The following ADCY8 variants were observed in gnomAD, a reference collection of about 807,000 sequenced individuals.
The protein encoded by ADCY8 is adenylate cyclase type 8.
Under a neutral mutation model 119.7 loss-of-function variants are expected in ADCY8, and 51 were observed. The ratio of observed to expected loss-of-function variants is 0.43; its 90% CI spans 0.34 to 0.54. The LOEUF is 0.54. Ranked by LOEUF, ADCY8 falls within the 20% of genes least tolerant of loss-of-function variation. The pLI is 0.03. For missense variants in ADCY8, 1,383 were observed against 1,598.8 expected (o/e 0.87, Z 2.30); for synonymous variants, 665 against 651.0 (o/e 1.02, Z -0.33).
intron 13 of ADCY8, among the ~76,000 whole-genome samples, chr8:130,819,629 C>G (rs1047322980): frequency 6.6e-6 from 1 of 152,118 alleles, no homozygotes; most frequent in Non-Finnish European, 1.5e-5. Flanking sequence ...ATATGTTTGT[C>G]TATAGGGTGA....
At chr8:130,875,934 C>A (rs912760007) in intron 8 of ADCY8, among the ~76,000 whole-genome samples, 2 of 152,138 alleles carry the variant, frequency 1.3e-5, no homozygotes, top group African/African-American at 4.8e-5. Context: ...ATACTCAGCA[C>A]AGAACTTGGT....
Position 130,990,414 on chromosome 8 carries a change from C to T in ADCY8, c.1089G>A (p.Leu363=). The part of the protein sequence containing the change: ...TRRCVEARLR[L]ETENQRQERL... ...GTACCTGTCTTTGGTTCTCTGTCTCCAGGCGCAGCCTGGCCTCCACACACC... is the reference window on the plus strand; with the variant it reads ...GTACCTGTCTTTGGTTCTCTGTCTCTAGGCGCAGCCTGGCCTCCACACACC... Residue 363 remains leucine, a synonymous_variant, in exon 2 of 18, where the codon CTG becomes CTA. Transcript: ENST00000286355. 4 of 1,614,152 alleles carry T rather than the reference C, an allele frequency of 2.5e-6. No homozygotes were observed. Among genetic ancestry groups the T allele is most frequent in the Non-Finnish European group, 3.4e-6 (4 of 1,179,998 alleles).
rs774395111 is a variant in ADCY8 at position 130,836,487 on chromosome 8, G to A, written c.2503-38C>T. 3.1e-6 allele frequency: 5 copies of A among 1,597,978 alleles called. No individual in the cohort carries two copies. In the East Asian group the frequency reaches 9.0e-5, roughly 29 times the overall value. ...AATGCAGGTGGTCAGATTCAATGGG[G>A]GCAGCAGTTCCCTCTCCTAGCCATG... On this transcript the variant is annotated intron_variant, in intron 11 of 17. Transcript: ENST00000286355.
At chr8:130,885,687 C>T (rs148077867) in intron 7 of ADCY8, among the ~76,000 whole-genome samples, 13 of 152,168 alleles carry the variant, frequency 8.5e-5, no homozygotes, top group African/African-American at 2.9e-4. Flanking sequence ...TGAGTTGGAC[C>T]TGAAGGGATA....
At chr8:130,925,039 CAA>C (rs71304400) in intron 5 of ADCY8, among the ~76,000 whole-genome samples, 4,739 of 137,300 alleles carry the variant, frequency 0.035, 104 homozygotes, top group South Asian at 0.089. Flanking sequence ...ACTAAAAATA[CAA>C]AAAAAAAAAA....
chr8:130,985,886 T>A (rs1174046556), intron 2 of ADCY8, among the ~76,000 whole-genome samples: 2 of 152,216 alleles, frequency 1.3e-5, no homozygotes, highest in East Asian at 3.8e-4. Flanking sequence ...AAAAATAATC[T>A]TCCTGCTGCT....
At chr8:130,924,027 C>T (rs1199859673) in intron 5 of ADCY8, among the ~76,000 whole-genome samples, 2 of 152,152 alleles carry the variant, frequency 1.3e-5, no homozygotes, top group Non-Finnish European at 2.9e-5. Context: ...ATATGTTGAT[C>T]CTTTGGGTAT....
intron 8 of ADCY8, among the ~76,000 whole-genome samples, chr8:130,874,879 T>C (rs1331370076): frequency 6.6e-6 from 1 of 151,410 alleles, no homozygotes; most frequent in Admixed American, 6.6e-5. Context: ...CCCCCAGCCA[T>C]GGAGAAGCCA....
intron 8 of ADCY8, among the ~76,000 whole-genome samples, chr8:130,876,292 C>A (rs1818561855): frequency 2.0e-5 from 3 of 152,056 alleles, no homozygotes; most frequent in African/African-American, 7.2e-5. Flanking sequence ...CTCAAGTGAT[C>A]CACCCGCCTC....
At chr8:130,869,967 T>TTCCTTCTTCCTTC (rs66528210) in intron 8 of ADCY8, among the ~76,000 whole-genome samples, 80,173 of 136,560 alleles carry the variant, frequency 0.59, 23,548 homozygotes, top group East Asian at 0.85. Context: ...TTCTTCCTTC[T>TTCCTTCTTCCTTC]TCCTTCTTCC....
chr8:130,799,690 G>A (rs939908215), intron 15 of ADCY8, among the ~76,000 whole-genome samples: 6 of 152,228 alleles, frequency 3.9e-5, no homozygotes, highest in Non-Finnish European at 5.9e-5. Context: ...ACCAATATGG[G>A]TATCCAAAAG....
intron 1 of ADCY8, among the ~76,000 whole-genome samples, chr8:131,013,691 G>T (rs1169464415): frequency 6.6e-6 from 1 of 152,088 alleles, no homozygotes; most frequent in African/African-American, 2.4e-5. Context: ...GGTTACTATG[G>T]CAATTTTTAT....
intron 2 of ADCY8, among the ~76,000 whole-genome samples, chr8:130,966,157 T>A (rs942471797): frequency 6.6e-6 from 1 of 152,226 alleles, no homozygotes; most frequent in African/African-American, 2.4e-5. Flanking sequence ...AGAGTCTGCA[T>A]GACTCATCAT....
chr8:130,836,521 T>G (rs929250043), intron 11 of ADCY8, 72 bp from the exon 12 acceptor site: 1 of 1,498,788 alleles, frequency 6.7e-7, no homozygotes, highest in African/African-American at 1.4e-5. Context: ...TGGATGCTAG[T>G]AGGTCTTACA....
At chr8:130,787,362 A>G (rs983125701) in intron 15 of ADCY8, among the ~76,000 whole-genome samples, 1 of 152,202 alleles carries the variant, frequency 6.6e-6, no homozygotes, top group South Asian at 2.1e-4. Context: ...TAGAATCAAC[A>G]AGATTGGTGC....
chr8:130,863,976 T>C (rs1818030899), intron 9 of ADCY8, among the ~76,000 whole-genome samples: 1 of 152,206 alleles, frequency 6.6e-6, no homozygotes, highest in Non-Finnish European at 1.5e-5. Flanking sequence ...TCCTGCTGTT[T>C]GAAGAAATTT....
At chr8:130,907,264 TG>T (rs1250880632) in intron 6 of ADCY8, among the ~76,000 whole-genome samples, 1 of 152,172 alleles carries the variant, frequency 6.6e-6, no homozygotes, top group Non-Finnish European at 1.5e-5. Context: ...CAGCAAGCTA[TG>T]GTTTAATAAA....
rs186593358 is a variant in ADCY8, at chr8:131,022,992, G to C, written c.960+16382C>G. On this transcript the variant is annotated intron_variant, in intron 1 of 17. Transcript: ENST00000286355. ...AGTCAGTGGGAACCCATGCATGTTT[G>C]GAGCCAAATTAACTTCAGTTCAAAT... 9.9e-5 allele frequency among the ~76,000 whole-genome samples: 15 copies of C among 152,266 alleles called. No homozygotes were observed. The East Asian group carries it at 2.7e-3, about 27-fold the overall frequency.
intron 11 of ADCY8, among the ~76,000 whole-genome samples, chr8:130,844,908 T>C (rs1448045532): frequency 6.6e-6 from 1 of 152,208 alleles, no homozygotes; most frequent in Non-Finnish European, 1.5e-5. Flanking sequence ...ACGGGTATAT[T>C]ACGCACAGTG....
Sources: gnomAD v4.1 joint callset for allele counts (sites outside exome capture counted in the v4.1 genomes callset) on GRCh38, gnomAD v4.1.1 for gene constraint, MANE v1.5 for transcripts, NCBI Gene and HGNC (gene_info 2026-07-23, HGNC 2026-07-21) for gene names.